GRIP2: variants seen among roughly 807,000 people sequenced by gnomAD.
The protein encoded by GRIP2 is glutamate receptor interacting protein 2.
Under a neutral mutation model 108.3 loss-of-function variants are expected in GRIP2, and 58 were observed. The ratio of observed to expected loss-of-function variants is 0.54; its 90% CI spans 0.43 to 0.67. GRIP2 has a LOEUF of 0.67. Ranked by LOEUF, GRIP2 falls within the 30% of genes least tolerant of loss-of-function variation. The pLI is 0.00. For synonymous variants in GRIP2, 586 were observed against 598.2 expected (o/e 0.98, Z 0.30); for missense variants, 1,278 against 1,430.6 (o/e 0.89, Z 1.72).
chr3:14,576,597 G>C, the GRIP2 span, among the ~76,000 whole-genome samples: 2 of 152,214 alleles, frequency 1.3e-5, no homozygotes, highest in Admixed American at 6.5e-5. Flanking sequence ...GGACCATAGA[G>C]AGCAAGTAAT....
chr3:14,585,598 CAAG>C, the GRIP2 span, among the ~76,000 whole-genome samples: 2 of 152,162 alleles, frequency 1.3e-5, no homozygotes, highest in Non-Finnish European at 2.9e-5. Context: ...ACGTGAGCTG[CAAG>C]GAGGAGGCAG....
rs1694291943 is a variant in GRIP2 at position 14,517,669 on chromosome 3, C to G, written c.1156+103G>C. The G allele has an allele frequency of 6.9e-6, 10 of 1,453,090 alleles. No homozygotes were observed. The South Asian group carries it at 1.1e-4, about 17-fold the overall frequency. 90.0% of individuals were successfully genotyped at this position (1,453,090 alleles called of 1,614,324 possible). ...GGCGTGCACCACCACACCCAGCTCA[C>G]TAATCTCTGAGTCTGAGTTTCCTTC... On this transcript the variant is annotated intron_variant, in intron 10 of 23. Transcript: ENST00000621039.
chr3:14,558,249 C>T (rs1410025735), upstream of GRIP2, among the ~76,000 whole-genome samples: 1 of 152,216 alleles, frequency 6.6e-6, no homozygotes, highest in African/African-American at 2.4e-5. Context: ...AGGTCCTAGC[C>T]ACCAGACTAG....
upstream of GRIP2, among the ~76,000 whole-genome samples, chr3:14,544,949 G>A (rs115391601): frequency 5.6e-3 from 860 of 152,260 alleles, 10 homozygotes; most frequent in African/African-American, 0.02. Flanking sequence ...CCCCTCACTT[G>A]ACTTCAGGGA....
upstream of GRIP2, among the ~76,000 whole-genome samples, chr3:14,559,439 C>CAAA (rs56183499): frequency 9.0e-5 from 11 of 121,768 alleles, 1 homozygote; most frequent in Admixed American, 5.7e-4. Flanking sequence ...AAGAATTTAT[C>CAAA]AAAAAAAAAA....
Position 14,511,555 on chromosome 3 carries a change from G to A in GRIP2, c.1721-76C>T. On this transcript the variant is annotated intron_variant, in intron 14 of 23. Coordinates refer to ENST00000621039, the MANE Select transcript of GRIP2 (RefSeq NM_001080423.4). This position sits in a 1 kb window ranked among gnomAD's most constrained non-coding sequence, Gnocchi z 4.1. ...GGGGTGGCGAAGCCCAGGGGTCTGA[G>A]TGTGGACTCGGAGCCACTGGTCCTA... 7.1e-7 allele frequency: 1 copy of A among 1,409,034 alleles called. No individual in the cohort carries two copies. Among genetic ancestry groups the A allele is most frequent in the Non-Finnish European group, 9.9e-7 (1 of 1,007,436 alleles). The allele number at this position is 1,409,034 out of a possible 1,614,324, so 87.3% of individuals were successfully genotyped here.
the GRIP2 span, among the ~76,000 whole-genome samples, chr3:14,596,246 T>A: frequency 6.6e-6 from 1 of 152,248 alleles, no homozygotes; most frequent in Non-Finnish European, 1.5e-5. Context: ...GAAAGGTTAC[T>A]GCAGCCAATC....
At chr3:14,537,264 C>T (rs1253669285) in intron 1 of GRIP2, among the ~76,000 whole-genome samples, 1 of 152,232 alleles carries the variant, frequency 6.6e-6, no homozygotes, top group Non-Finnish European at 1.5e-5. Context: ...CGTCTCAGCT[C>T]CTTCGGGAAC....
At chr3:14,539,951 GGCTTCGCTCACACCCAGAT>G (rs1280667493) in intron 1 of GRIP2, among the ~76,000 whole-genome samples, 1 of 152,160 alleles carries the variant, frequency 6.6e-6, no homozygotes, top group Non-Finnish European at 1.5e-5. Flanking sequence ...TTGGGCAAAA[GGCTTCGCTCACACCCAGAT>G]AGGACCAGCC....
chr3:14,584,080 C>T, the GRIP2 span, among the ~76,000 whole-genome samples: 460 of 152,332 alleles, frequency 3.0e-3, 4 homozygotes, highest in African/African-American at 0.01. Flanking sequence ...TAGACAAAGA[C>T]ACTATGGCTC....
chr3:14,568,496 C>T, the GRIP2 span, among the ~76,000 whole-genome samples: 1 of 152,186 alleles, frequency 6.6e-6, no homozygotes, highest in African/African-American at 2.4e-5. Context: ...AGTGTCAGAG[C>T]TGGGATTAAA....
intron 22 of GRIP2, among the ~76,000 whole-genome samples, chr3:14,495,879 C>T (rs1273584450): frequency 6.6e-6 from 1 of 152,158 alleles, no homozygotes; most frequent in Non-Finnish European, 1.5e-5. Context: ...GGCACAGTGG[C>T]TCACACATGT....
At chr3:14,573,207 C>T in the GRIP2 span, 2 of 1,411,096 alleles carry the variant, frequency 1.4e-6, no homozygotes, top group Non-Finnish European at 1.0e-6. Context: ...GATCTGCCAG[C>T]TCTGGAAGAG....
chr3:14,573,964 C>T, the GRIP2 span: 1 of 1,073,426 alleles, frequency 9.3e-7, no homozygotes, highest in Non-Finnish European at 1.4e-6. Flanking sequence ...AAGCTGTGCA[C>T]CTGCGGATCC....
intron 23 of GRIP2, among the ~76,000 whole-genome samples, 194 bp downstream of exon 23, chr3:14,494,649 G>A (rs1011020452): frequency 2.0e-5 from 3 of 152,238 alleles, no homozygotes; most frequent in Admixed American, 6.5e-5. Flanking sequence ...TGGGCATGGG[G>A]TGTAAGAAGA....
the GRIP2 span, among the ~76,000 whole-genome samples, chr3:14,591,083 T>C: frequency 6.6e-6 from 1 of 152,128 alleles, no homozygotes; most frequent in South Asian, 2.1e-4. Flanking sequence ...GTCACACTAC[T>C]CAGATGTGGG....
chr3:14,594,728 C>T, the GRIP2 span, among the ~76,000 whole-genome samples: 1 of 152,208 alleles, frequency 6.6e-6, no homozygotes, highest in Non-Finnish European at 1.5e-5. Context: ...CAGCTTTGCC[C>T]CTTAGCTGCT....
At chr3:14,516,350 A>G (rs1316697131) in intron 11 of GRIP2, among the ~76,000 whole-genome samples, 1 of 152,064 alleles carries the variant, frequency 6.6e-6, no homozygotes, top group Non-Finnish European at 1.5e-5. Flanking sequence ...TTGATCTTCT[A>G]TCCTTCCTGG....
the GRIP2 span, among the ~76,000 whole-genome samples, chr3:14,576,829 T>A: frequency 6.6e-6 from 1 of 152,232 alleles, no homozygotes; most frequent in African/African-American, 2.4e-5. Flanking sequence ...TTGATGACTG[T>A]AAGGAAGCCC....
Sources: gnomAD v4.1 joint callset for allele counts (sites outside exome capture counted in the v4.1 genomes callset) on GRCh38, gnomAD v4.1.1 for gene constraint, Gnocchi (gnomAD v3.1) non-coding constraint, MANE v1.5 for transcripts, NCBI Gene and HGNC (gene_info 2026-07-23, HGNC 2026-07-21) for gene names.